The following NOX4 variants were observed in gnomAD, a reference collection of about 807,000 sequenced individuals.
NOX4 encodes the protein NADPH oxidase 4.
A neutral mutation model predicts 87.6 loss-of-function variants in NOX4; 69 were observed. The observed-to-expected ratio is 0.79, with a 90% CI of 0.65 to 0.96. The LOEUF is 0.96. Ranked by LOEUF, NOX4 falls within the 40% of genes least tolerant of loss-of-function variation. NOX4 has a pLI of 0.00. For synonymous variants in NOX4, 275 were observed against 238.2 expected (o/e 1.15, Z -1.42); for missense variants, 680 against 681.5 (o/e 1.00, Z 0.02).
the NOX4 span, chr11:89,548,048 T>A: frequency 2.6e-5 from 4 of 151,908 alleles, no homozygotes; most frequent in South Asian, 8.3e-4. Context: ...TTTTAGGAGA[T>A]ACTAGATGAG....
chr11:89,345,247 T>A (rs1418063710), intron 13 of NOX4, among the ~76,000 whole-genome samples: 1 of 152,156 alleles, frequency 6.6e-6, no homozygotes, highest in Non-Finnish European at 1.5e-5. Context: ...CAGGAGCTAC[T>A]GATGTTGCTG....
chr11:89,397,565 C>T (rs1256502211), intron 11 of NOX4, among the ~76,000 whole-genome samples: 1 of 151,990 alleles, frequency 6.6e-6, no homozygotes, highest in African/African-American at 2.4e-5. Flanking sequence ...AATTGATAGA[C>T]TGCTAGCAAG....
chr11:89,503,708 T>G, the NOX4 span, among the ~76,000 whole-genome samples: 1 of 151,422 alleles, frequency 6.6e-6, no homozygotes, highest in East Asian at 2.0e-4. Context: ...AGCTTCAAAT[T>G]CTGAATGTAT....
At position 89,444,176 on chromosome 11, in the gene NOX4, C is replaced by G; in HGVS notation, c.406G>C (p.Glu136Gln). 1 of 1,613,598 alleles carries G rather than the reference C, an allele frequency of 6.2e-7. No individual in the cohort carries two copies. The highest frequency in any genetic ancestry group is 8.5e-7 in the Non-Finnish European group (1 of 1,179,712). ...GCTGCATTCAGTTCAACAAAGTCTT[C>G]ACTGTAATTCACTGAGAAGTTGAGG... ...NALNFSVNYS[E>Q]DFVELNAARY... Residue 136 changes from glutamate to glutamine, a missense_variant, in exon 5 of 18, where the codon GAA becomes CAA. Transcript: ENST00000263317.
Position 89,402,513 on chromosome 11 carries a change from T to A in NOX4, c.659A>T (p.Asp220Val), listed in dbSNP as rs1413928279. Residue 220 changes from aspartate (D) to valine (V), a missense_variant, in exon 9 of 18, where the codon GAT becomes GTT. By Grantham distance (152) the Asp-to-Val change is radical. Coordinates refer to ENST00000263317, the MANE Select transcript of NOX4 (RefSeq NM_016931.5). ...GGLLKYQTNL[D>V]THPPGCISLN... ...ACTGATGCAGCCGGGAGGGTGGGTA[T>A]CTAAATTAGTTTGATACTTCAGCAG... is the stretch of plus-strand genomic sequence containing the variant. 1.2e-6 allele frequency: 2 copies of A among 1,611,042 alleles called. No homozygotes were observed. The highest frequency in any genetic ancestry group is 2.2e-5 in the South Asian group (2 of 90,414).
intron 8 of NOX4, among the ~76,000 whole-genome samples, chr11:89,417,377 T>C (rs1490841915): frequency 6.6e-6 from 1 of 152,166 alleles, no homozygotes; most frequent in Non-Finnish European, 1.5e-5. Flanking sequence ...TGTTTTGTTT[T>C]GTTTTCACCA....
chr11:89,484,419 C>T (rs569136805), intron 2 of NOX4, among the ~76,000 whole-genome samples: 5 of 152,254 alleles, frequency 3.3e-5, no homozygotes, highest in East Asian at 3.9e-4. Context: ...ATCATTTTCG[C>T]TAGCTTCTTA....
chr11:89,386,689 C>G (rs1346314654), intron 11 of NOX4, among the ~76,000 whole-genome samples: 1 of 151,994 alleles, frequency 6.6e-6, no homozygotes, highest in Non-Finnish European at 1.5e-5. Flanking sequence ...AAAGAGGACT[C>G]TATTTTTAAA....
chr11:89,443,867 G>A, intron 5 of NOX4: 1 of 330,326 alleles, frequency 3.0e-6, no homozygotes, highest in Non-Finnish European at 5.6e-6. Flanking sequence ...AAGCTGCTGG[G>A]AGTCAGAGGC....
chr11:89,407,554 T>A (rs565046297), intron 8 of NOX4, among the ~76,000 whole-genome samples: 2,264 of 152,172 alleles, frequency 0.015, 49 homozygotes, highest in African/African-American at 0.052. Context: ...GCTATCAAAC[T>A]TTCAACCATG....
intron 12 of NOX4, among the ~76,000 whole-genome samples, chr11:89,361,989 G>C (rs1938560182): frequency 6.6e-6 from 1 of 152,012 alleles, no homozygotes. Context: ...ACAAGGCAAG[G>C]ATATTTCAGC....
At chr11:89,435,582 A>G (rs1944043674) in intron 6 of NOX4, among the ~76,000 whole-genome samples, 1 of 152,088 alleles carries the variant, frequency 6.6e-6, no homozygotes, top group Admixed American at 6.6e-5. Context: ...ACCTGATTAA[A>G]CTTAAATATT....
chr11:89,347,602 C>A (rs1331538547), intron 13 of NOX4, among the ~76,000 whole-genome samples: 5 of 152,192 alleles, frequency 3.3e-5, no homozygotes, highest in African/African-American at 1.2e-4. Context: ...GATTGCCACT[C>A]TCCCTCAATC....
At chr11:89,583,260 A>G in the NOX4 span, among the ~76,000 whole-genome samples, 4 of 152,092 alleles carry the variant, frequency 2.6e-5, no homozygotes, top group African/African-American at 7.2e-5. Flanking sequence ...GAAAAAAAAA[A>G]GCGTTGTCCT....
chr11:89,364,090 T>A (rs955241475), intron 12 of NOX4, among the ~76,000 whole-genome samples: 10 of 151,898 alleles, frequency 6.6e-5, no homozygotes, highest in African/African-American at 2.4e-4. Flanking sequence ...TCAACAAAGT[T>A]TAAAAAATTA....
chr11:89,468,303 A>G (rs917097262), intron 2 of NOX4, among the ~76,000 whole-genome samples: 3 of 152,214 alleles, frequency 2.0e-5, no homozygotes, highest in African/African-American at 7.2e-5. Flanking sequence ...TAAAAGTGGT[A>G]TAATTTCCTA....
rs145026086 is a variant in NOX4, at chr11:89,375,734, TGTA to T, written c.1075-2245_1075-2243del. Among the ~76,000 whole-genome samples the T allele has an allele frequency of 6.1e-3, 927 of 152,318 alleles. 5 individuals carry two copies. The highest frequency in any genetic ancestry group is 0.02 in the Middle Eastern group (6 of 294). On this transcript the variant is annotated intron_variant, in intron 11 of 17. Transcript: ENST00000263317. ...ACTACTGAAGGCTGACCAGAGTCTC[TGTA>T]TAATAAAAGTTGTAGCTCTCAGAAC...
intron 11 of NOX4, among the ~76,000 whole-genome samples, chr11:89,376,232 A>C (rs1328000108): frequency 6.6e-6 from 1 of 152,210 alleles, no homozygotes; most frequent in Non-Finnish European, 1.5e-5. Flanking sequence ...GACAGACTTT[A>C]ACAGTCTTTA....
chr11:89,576,651 T>C, the NOX4 span, among the ~76,000 whole-genome samples: 2 of 152,206 alleles, frequency 1.3e-5, no homozygotes, highest in Admixed American at 6.5e-5. Flanking sequence ...AGTGTGACAT[T>C]ATTCAATTTC....
Sources: gnomAD v4.1 joint callset for allele counts (sites outside exome capture counted in the v4.1 genomes callset) on GRCh38, gnomAD v4.1.1 for gene constraint, MANE v1.5 for transcripts, NCBI Gene and HGNC (gene_info 2026-07-23, HGNC 2026-07-21) for gene names.